DCTN5: variants seen among roughly 807,000 people sequenced by gnomAD.
DCTN5 encodes dynactin 4.
Under a neutral mutation model 23.5 loss-of-function variants are expected in DCTN5, and 14 were observed. That is an observed-to-expected ratio of 0.60 (90% CI 0.39 to 0.93). The LOEUF (loss-of-function observed/expected upper bound fraction) is 0.93, where lower values mean the gene tolerates loss of function less well. Among genes scored for constraint, DCTN5 ranks in the 40% least tolerant of loss-of-function variants. DCTN5 has a pLI of 0.00. For missense variants in DCTN5, 156 were observed against 225.9 expected (o/e 0.69, Z 1.98); for synonymous variants, 67 against 79.6 (o/e 0.84, Z 0.84).
intron 2 of DCTN5, chr16:23,657,646 G>T: frequency 3.8e-6 from 1 of 262,578 alleles, no homozygotes; most frequent in Non-Finnish European, 7.8e-6. Context: ...GTTTCACCAT[G>T]TTGGCCAGCC....
chr16:23,648,988 G>C (rs964754007), intron 2 of DCTN5, among the ~76,000 whole-genome samples: 1 of 151,986 alleles, frequency 6.6e-6, no homozygotes, highest in Non-Finnish European at 1.5e-5. Flanking sequence ...CTCCTGAGTT[G>C]CTGGGACTAC....
In DCTN5 at chr16:23,667,236, C is replaced by T; in HGVS notation, c.*92C>T. On this transcript the variant is annotated 3_prime_UTR_variant, in exon 6 of 6. Coordinates refer to ENST00000300087, the MANE Select transcript of DCTN5 (RefSeq NM_032486.4). Reference sequence around the variant, plus strand: ...CAGCACCTACAAAGAGCTTTTGTGTCTTTGACATCTACCACCCTCCTCCTT... The same window carrying T: ...CAGCACCTACAAAGAGCTTTTGTGTTTTTGACATCTACCACCCTCCTCCTT... 10 of 1,503,520 alleles carry T rather than the reference C, an allele frequency of 6.7e-6. No homozygotes were observed. In the South Asian group the frequency reaches 1.0e-4, roughly 16 times the overall value. The allele number at this position is 1,503,520 out of a possible 1,614,324, so 93.1% of individuals were successfully genotyped here. A position where few individuals can be genotyped will look rare whatever the true frequency, so the allele number is the denominator to read the frequency against.
Position 23,673,893 on chromosome 16 carries a change from C to A in DCTN5, c.*6749C>A, listed in dbSNP as rs577148940. The A allele has an allele frequency of 1.3e-5, 2 of 152,220 alleles. No homozygotes were observed. The highest frequency in any genetic ancestry group is 4.8e-5 in the African/African-American group (2 of 41,458). 9.4% of individuals were successfully genotyped at this position (152,220 alleles called of 1,614,324 possible). ...ATTGCTAATGAACCCTTGTCAAAATCAAATGTCTCCCCTTAGAGGCTGATG... is the reference window on the plus strand; with the variant it reads ...ATTGCTAATGAACCCTTGTCAAAATAAAATGTCTCCCCTTAGAGGCTGATG... On this transcript the variant is annotated 3_prime_UTR_variant, in exon 6 of 6. Transcript: ENST00000300087.
intron 2 of DCTN5, among the ~76,000 whole-genome samples, chr16:23,646,806 C>G (rs1005474588): frequency 6.6e-6 from 1 of 152,166 alleles, no homozygotes; most frequent in Non-Finnish European, 1.5e-5. Context: ...AAACTCCCGA[C>G]CTCAGGTGAT....
At chr16:23,641,737 C>A (rs1967270012) in intron 1 of DCTN5, 147 bp downstream of exon 1, 3 of 822,476 alleles carry the variant, frequency 3.6e-6, no homozygotes, top group Non-Finnish European at 5.9e-6. Context: ...CGTGTACCGT[C>A]TGGCTTTGCT....
chr16:23,646,155 T>TG (rs1967453980), intron 2 of DCTN5, among the ~76,000 whole-genome samples: 1 of 152,110 alleles, frequency 6.6e-6, no homozygotes, highest in African/African-American at 2.4e-5. Context: ...TATCTCATAG[T>TG]GGTTTTGATT....
chr16:23,662,026 G>A (rs902232383), intron 4 of DCTN5, among the ~76,000 whole-genome samples: 6 of 151,196 alleles, frequency 4.0e-5, no homozygotes, highest in Non-Finnish European at 8.8e-5. Context: ...GACCAGCCTG[G>A]GCAACAAAGC....
intron 2 of DCTN5, chr16:23,651,098 A>T (rs1412213029): frequency 7.7e-7 from 1 of 1,304,012 alleles, no homozygotes; most frequent in Non-Finnish European, 9.8e-7. Context: ...GGAGATAGCT[A>T]AAAAAAATTA....
chr16:23,651,271 C>T (rs527692936), intron 2 of DCTN5: 16 of 899,464 alleles, frequency 1.8e-5, no homozygotes, highest in African/African-American at 1.8e-5. Context: ...ATTTGCTTCT[C>T]TGAAGGGCAG....
rs577039922 is a variant in DCTN5, at chr16:23,673,435, A to G, written c.*6291A>G. On this transcript the variant is annotated 3_prime_UTR_variant, in exon 6 of 6. Transcript: ENST00000300087. ...TTTTAATAAACCTTTCTAATGGAAC[A>G]AGTAAAACACATGCAGTGGATGCTC... is the stretch of plus-strand genomic sequence containing the variant. 1 of 152,208 alleles carries G rather than the reference A, an allele frequency of 6.6e-6. No individual in the cohort carries two copies. The highest frequency in any genetic ancestry group is 2.4e-5 in the African/African-American group (1 of 41,450). 9.4% of individuals were successfully genotyped at this position (152,208 alleles called of 1,614,324 possible). A position where few individuals can be genotyped will look rare whatever the true frequency, so the allele number is the denominator to read the frequency against.
chr16:23,645,137 A>ATT (rs869033729), intron 2 of DCTN5, among the ~76,000 whole-genome samples: 958 of 30,690 alleles, frequency 0.031, 149 homozygotes, highest in Middle Eastern at 0.045. Flanking sequence ...ATATATATAT[A>ATT]TTTTTTTTTT....
intron 2 of DCTN5, among the ~76,000 whole-genome samples, chr16:23,650,432 C>G (rs565577364): frequency 6.6e-6 from 1 of 151,952 alleles, no homozygotes; most frequent in East Asian, 1.9e-4. Flanking sequence ...ATTCTCCTGC[C>G]TCCCTCCCTC....
In DCTN5 at chr16:23,644,678, C is replaced by T. The variant is rs1271679726; in HGVS notation, c.117+1655C>T. 2.0e-5 allele frequency among the ~76,000 whole-genome samples: 3 copies of T among 151,964 alleles called. No homozygotes were observed. The East Asian group carries it at 5.9e-4, about 30-fold the overall frequency. ...CTTGAACTCCTCACCTCAGATGATC[C>T]ATCCACTTCAGCCTCCCAAAGTGCT... On this transcript the variant is annotated intron_variant, in intron 2 of 5. Coordinates refer to ENST00000300087, the MANE Select transcript of DCTN5 (RefSeq NM_032486.4).
chr16:23,652,134 A>G (rs1967617102), intron 2 of DCTN5, among the ~76,000 whole-genome samples: 1 of 150,900 alleles, frequency 6.6e-6, no homozygotes, highest in Non-Finnish European at 1.5e-5. Context: ...TTTGTAGACT[A>G]TACGTATGCA....
At chr16:23,651,282 C>A in intron 2 of DCTN5, 2 of 812,708 alleles carry the variant, frequency 2.5e-6, no homozygotes, top group Non-Finnish European at 3.0e-6. Context: ...TGAAGGGCAG[C>A]CACCTTCTTT....
chr16:23,656,946 T>C (rs1485835721), intron 2 of DCTN5, among the ~76,000 whole-genome samples: 4 of 149,756 alleles, frequency 2.7e-5, no homozygotes, highest in Non-Finnish European at 5.9e-5. Flanking sequence ...GCCAAGATCA[T>C]GCCACTGCAC....
At chr16:23,663,535 G>A (rs903240599) in intron 4 of DCTN5, among the ~76,000 whole-genome samples, 3 of 152,070 alleles carry the variant, frequency 2.0e-5, no homozygotes, top group Admixed American at 1.3e-4. Context: ...CCAACATGGT[G>A]AAACCCCGTC....
In DCTN5 at chr16:23,667,076, A is replaced by G; in HGVS notation, c.481A>G (p.Thr161Ala). The G allele has an allele frequency of 6.2e-7, 1 of 1,613,660 alleles. No homozygotes were observed. Among genetic ancestry groups the G allele is most frequent in the South Asian group, 1.1e-5 (1 of 91,048 alleles). ...GLFSGELPECTQELMIDVTKS... is the reference protein window; with the variant it reads ...GLFSGELPECAQELMIDVTKS... ...CTTCTCAGGGGAGCTCCCGGAGTGC[A>G]CTCAGGAGCTGATGATTGACGTCAC... Residue 161 changes from threonine to alanine, a missense_variant, in exon 6 of 6, where the codon ACT (threonine) becomes GCT (alanine). By Grantham distance (58) the Thr-to-Ala change is moderately conservative (BLOSUM62 0). Transcript: ENST00000300087.
intron 4 of DCTN5, among the ~76,000 whole-genome samples, chr16:23,662,981 C>T (rs1185871649): frequency 2.0e-5 from 3 of 152,188 alleles, no homozygotes; most frequent in South Asian, 4.1e-4. Flanking sequence ...TCCATATTGG[C>T]GGTACTCGCT....
Sources: allele counts gnomAD v4.1 joint callset (sites outside exome capture counted in the v4.1 genomes callset), GRCh38; gene constraint gnomAD v4.1.1; transcripts MANE v1.5; gene names NCBI Gene and HGNC (gene_info 2026-07-23, HGNC 2026-07-21).